PPP2R2C: variants seen among roughly 807,000 people sequenced by gnomAD.
PPP2R2C encodes the protein protein phosphatase 2 regulatory subunit Bgamma.
A neutral mutation model predicts 45.3 loss-of-function variants in PPP2R2C; 10 were observed. The observed-to-expected ratio is 0.22, with a 90% CI of 0.14 to 0.37. The LOEUF is 0.37. PPP2R2C is among the 10% of genes least tolerant of loss of function. The pLI is 1.00. For missense variants in PPP2R2C, 308 were observed against 619.7 expected, an observed-to-expected ratio of 0.50 and a Z score of 5.34; for synonymous variants, 257 against 245.4, an observed-to-expected ratio of 1.05 and a Z score of -0.44.
rs529907004 is a variant in PPP2R2C at position 6,531,589 on chromosome 4, T to C, written c.49+3682A>G. On this transcript the variant is annotated intron_variant, in intron 2 of 9. Transcript: ENST00000506140. ...TTTTTTTTTTTTTGGCTAACACTTA[T>C]GGAGCACCTAAATGTCCATGTTTCA... 2.3e-4 allele frequency among the ~76,000 whole-genome samples: 35 copies of C among 150,798 alleles called. No homozygotes were observed. In the East Asian group the frequency reaches 6.8e-3, roughly 29 times the overall value.
chr4:6,399,169 G>C (rs1353873444), intron 1 of PPP2R2C, among the ~76,000 whole-genome samples: 1 of 152,176 alleles, frequency 6.6e-6, no homozygotes, highest in African/African-American at 2.4e-5. Context: ...AATTATGGGG[G>C]TGATTTCACA....
chr4:6,350,278 T>C (rs1364369912), intron 5 of PPP2R2C: 11 of 985,476 alleles, frequency 1.1e-5, no homozygotes, highest in Non-Finnish European at 1.3e-5. Context: ...TCCCATGGCT[T>C]TCCAGGACAC....
chr4:6,517,533 C>T (rs929977291), intron 2 of PPP2R2C, among the ~76,000 whole-genome samples: 1 of 152,200 alleles, frequency 6.6e-6, no homozygotes, highest in Non-Finnish European at 1.5e-5. Context: ...TATTATCCAT[C>T]TCTAATACAT....
chr4:6,522,292 A>G (rs1196496282), intron 2 of PPP2R2C, among the ~76,000 whole-genome samples: 5 of 152,192 alleles, frequency 3.3e-5, no homozygotes, highest in Non-Finnish European at 5.9e-5. Flanking sequence ...GGCTGATGTC[A>G]TTCAGTAGTT....
chr4:6,336,878 TCCC>T (rs1732980296), intron 6 of PPP2R2C, among the ~76,000 whole-genome samples: 1 of 16,192 alleles, frequency 6.2e-5, no homozygotes, highest in African/African-American at 1.7e-4. Flanking sequence ...CTTCCATCCC[TCCC>T]TCCCTCCATC....
At chr4:6,468,443 C>T (rs1253398738) in intron 1 of PPP2R2C, among the ~76,000 whole-genome samples, 3 of 152,196 alleles carry the variant, frequency 2.0e-5, no homozygotes, top group Admixed American at 6.5e-5. Context: ...ATGGGTACAT[C>T]CTTTATGCAG....
chr4:6,454,117 G>GA (rs1434890874), intron 1 of PPP2R2C, among the ~76,000 whole-genome samples: 1 of 152,224 alleles, frequency 6.6e-6, no homozygotes, highest in African/African-American at 2.4e-5. Context: ...AGGGGGACAA[G>GA]AGGGTGTTGC....
intron 1 of PPP2R2C, among the ~76,000 whole-genome samples, chr4:6,440,104 A>G (rs541078829): frequency 3.9e-5 from 6 of 152,144 alleles, no homozygotes; most frequent in African/African-American, 1.2e-4. Context: ...AATTTGTCAA[A>G]ATGACATTAT....
chr4:6,390,229 G>GC (rs1222295441), intron 1 of PPP2R2C, among the ~76,000 whole-genome samples: 2 of 91,490 alleles, frequency 2.2e-5, no homozygotes, highest in African/African-American at 5.5e-5. Flanking sequence ...GAGGGAGGCT[G>GC]GGGGTGCACA....
intron 8 of PPP2R2C, among the ~76,000 whole-genome samples, chr4:6,327,779 G>GC (rs1441848878): frequency 1.3e-5 from 2 of 152,116 alleles, no homozygotes; most frequent in African/African-American, 2.4e-5. Flanking sequence ...TCCTTTAGTG[G>GC]CCCCCTGTGA....
intron 2 of PPP2R2C, among the ~76,000 whole-genome samples, chr4:6,512,879 G>T (rs1723715831): frequency 6.6e-6 from 1 of 151,922 alleles, no homozygotes; most frequent in African/African-American, 2.4e-5. Flanking sequence ...AAAGCAAATG[G>T]TTCATCTTAT....
intron 1 of PPP2R2C, among the ~76,000 whole-genome samples, chr4:6,422,843 A>G (rs1719065137): frequency 1.3e-5 from 2 of 152,228 alleles, no homozygotes; most frequent in Admixed American, 6.5e-5. Context: ...GACACAATTC[A>G]GCCCATAACA....
At position 6,323,291 on chromosome 4, in the gene PPP2R2C, A is replaced by T. The variant is rs3796402; in HGVS notation, c.*11T>A. 963,710 of 1,580,612 alleles carry T rather than the reference A, an allele frequency of 0.61. 298,891 individuals carry two copies. Among genetic ancestry groups the T allele is most frequent in the East Asian group, 0.92 (40,641 of 44,134 alleles). The stretch of plus-strand genomic sequence containing the variant: ...TGAGGCTGGGTGGCAGGGGCCGGGA[A>T]CTGCACATACCTAGTGCATGTCAGA... On this transcript the variant is annotated 3_prime_UTR_variant, in exon 9 of 9. Coordinates refer to ENST00000382599, the MANE Select transcript of PPP2R2C (RefSeq NM_020416.4).
rs1277309351 is a variant in PPP2R2C, at chr4:6,378,949, C to T, written c.169-377G>A. Among the ~76,000 whole-genome samples the T allele has an allele frequency of 6.6e-6, 1 of 151,796 alleles. No homozygotes were observed. Among genetic ancestry groups the T allele is most frequent in the Non-Finnish European group, 1.5e-5 (1 of 67,976 alleles). The stretch of plus-strand genomic sequence containing the variant: ...CATTTCACAGACCAGCAAACAGAGA[C>T]TCAGAGGGGAAGTGACTTCCCAGAG... On this transcript the variant is annotated intron_variant, in intron 2 of 8. Transcript: ENST00000382599. The surrounding 1 kb of genome is among the most constrained non-coding windows in gnomAD (Gnocchi z 5.2).
At chr4:6,383,167 A>G (rs1257491812) in intron 1 of PPP2R2C, 11 of 1,172,440 alleles carry the variant, frequency 9.4e-6, no homozygotes, top group Non-Finnish European at 4.3e-6. Context: ...TGGCGGTACC[A>G]GGAGCAGGAC....
intron 2 of PPP2R2C, among the ~76,000 whole-genome samples, chr4:6,524,728 G>C (rs1160438290): frequency 2.6e-5 from 4 of 152,164 alleles, no homozygotes; most frequent in Non-Finnish European, 5.9e-5. Flanking sequence ...AACTAAGTTA[G>C]GTTGCAGTTC....
intron 1 of PPP2R2C, among the ~76,000 whole-genome samples, chr4:6,456,971 G>A (rs1429045800): frequency 6.6e-6 from 1 of 152,118 alleles, no homozygotes; most frequent in African/African-American, 2.4e-5. Flanking sequence ...ACTTTGGGAG[G>A]CTAAGGCGGG....
At chr4:6,535,790 C>A (rs572894052) in intron 1 of PPP2R2C, among the ~76,000 whole-genome samples, 1 of 152,296 alleles carries the variant, frequency 6.6e-6, no homozygotes, top group South Asian at 2.1e-4. Context: ...CCCATACAGG[C>A]CCACAGCCCA....
chr4:6,472,867 T>C (rs1231778219), upstream of PPP2R2C, among the ~76,000 whole-genome samples: 1 of 151,088 alleles, frequency 6.6e-6, no homozygotes, highest in African/African-American at 2.4e-5. Flanking sequence ...GGTGCTCCAG[T>C]TATGGGAGAG....
Sources: gnomAD v4.1 joint callset for allele counts (sites outside exome capture counted in the v4.1 genomes callset) on GRCh38, gnomAD v4.1.1 for gene constraint, Gnocchi (gnomAD v3.1) non-coding constraint, MANE v1.5 for transcripts, NCBI Gene and HGNC (gene_info 2026-07-23, HGNC 2026-07-21) for gene names.